The following AK9 variants were observed in gnomAD, a reference collection of about 807,000 sequenced individuals.
AK9 encodes the protein adenylate kinase domain containing 1.
In AK9, 191 loss-of-function variants were observed where a neutral mutation model predicts 239.6. The observed-to-expected ratio is 0.80, with a 90% CI of 0.71 to 0.90. The LOEUF (loss-of-function observed/expected upper bound fraction) is 0.90. Among genes scored for constraint, AK9 ranks in the 40% least tolerant of loss-of-function variants. AK9 has a pLI of 0.00. For missense variants in AK9, 1,995 were observed against 2,214.7 expected (o/e 0.90, Z 1.99); for synonymous variants, 689 against 721.0 (o/e 0.96, Z 0.71).
intron 38 of AK9, among the ~76,000 whole-genome samples, 182 bp from the exon 39 acceptor site, chr6:109,495,622 G>A (rs112664981): frequency 2.2e-4 from 34 of 152,272 alleles, no homozygotes; most frequent in African/African-American, 7.9e-4. Flanking sequence ...TGGGTACCCA[G>A]CCCTACTCAC....
chr6:109,534,302 TTTTA>T (rs1458898970), intron 27 of AK9, among the ~76,000 whole-genome samples: 118 of 150,082 alleles, frequency 7.9e-4, no homozygotes, highest in African/African-American at 2.6e-3. Flanking sequence ...TTTTATTTTA[TTTTA>T]TTTATTTTAA....
intron 17 of AK9, among the ~76,000 whole-genome samples, chr6:109,586,939 C>G (rs1789577893): frequency 6.6e-6 from 1 of 151,776 alleles, no homozygotes. Flanking sequence ...CCAATATTAC[C>G]CTCTTGACAG....
chr6:109,581,858 C>T (rs1788904352), intron 19 of AK9, among the ~76,000 whole-genome samples: 1 of 152,138 alleles, frequency 6.6e-6, no homozygotes, highest in South Asian at 2.1e-4. Context: ...GAAGTCAATG[C>T]CTGGCTTCAA....
chr6:109,524,909 G>T (rs1473056779), intron 29 of AK9, among the ~76,000 whole-genome samples: 1 of 152,152 alleles, frequency 6.6e-6, no homozygotes, highest in Non-Finnish European at 1.5e-5. Context: ...AGCCAAGGAT[G>T]TGTTTGTAAT....
At chr6:109,495,662 A>G (rs1776958379) in intron 38 of AK9, among the ~76,000 whole-genome samples, 1 of 152,090 alleles carries the variant, frequency 6.6e-6, no homozygotes, top group South Asian at 2.1e-4. Flanking sequence ...TTTTCACAGC[A>G]ATTATATAAA....
At chr6:109,612,243 A>G in intron 15 of AK9, 150 bp from the exon 16 acceptor site, 1 of 573,750 alleles carries the variant, frequency 1.7e-6, no homozygotes, top group South Asian at 2.4e-5. Context: ...AAATGGGTAA[A>G]TATATTTAGC....
intron 17 of AK9, among the ~76,000 whole-genome samples, chr6:109,586,383 C>T (rs536937620): frequency 1.3e-5 from 2 of 152,070 alleles, no homozygotes; most frequent in Non-Finnish European, 2.9e-5. Context: ...GCCACTGCAC[C>T]AGTGTCAGAC....
Position 109,691,175 on chromosome 6 carries a change from C to T in AK9, c.-40G>A, listed in dbSNP as rs1402727815. Reference sequence around the variant, plus strand: ...AGATGGTGCCCTTCGCTTCCTCTCTCGGCAGCACGCAGGTCCCGGGAGCCT... The same window carrying T: ...AGATGGTGCCCTTCGCTTCCTCTCTTGGCAGCACGCAGGTCCCGGGAGCCT... On this transcript the variant is annotated 5_prime_UTR_variant, in exon 1 of 41. Transcript: ENST00000424296. The T allele has an allele frequency of 5.2e-6, 3 of 579,472 alleles. No individual in the cohort carries two copies. The highest frequency in any genetic ancestry group is 9.3e-6 in the Non-Finnish European group (3 of 323,644). The allele number at this position is 579,472 out of a possible 1,614,324, so 35.9% of individuals were successfully genotyped here. A position where few individuals can be genotyped will look rare whatever the true frequency, so the allele number is the denominator to read the frequency against.
chr6:109,651,497 C>T (rs1798941947), intron 8 of AK9, among the ~76,000 whole-genome samples: 1 of 152,034 alleles, frequency 6.6e-6, no homozygotes, highest in African/African-American at 2.4e-5. Context: ...CCTAACATCA[C>T]AATGAAAAGA....
rs1022019849 is a variant in AK9, at chr6:109,614,404, G to A, written c.1476C>T (p.His492=). The A allele has an allele frequency of 3.2e-6, 5 of 1,550,986 alleles. No homozygotes were observed. The African/African-American group carries it at 6.9e-5, about 21-fold the overall frequency. Reference sequence around the variant, plus strand: ...CTTTACCTTCTTCATCAATTGATGAGTGTGTTGCCTCCATTGGGAATACTC... The same window carrying A: ...CTTTACCTTCTTCATCAATTGATGAATGTGTTGCCTCCATTGGGAATACTC... ...EFGVFPMEAT[H]SSIDEEGYIQ... The change falls in exon 14 of 41, where the codon CAC becomes CAT. Residue 492 remains histidine, a synonymous_variant. Coordinates refer to ENST00000424296, the MANE Select transcript of AK9 (RefSeq NM_001145128.3).
intron 29 of AK9, among the ~76,000 whole-genome samples, chr6:109,520,639 C>G (rs1779762698): frequency 1.3e-5 from 2 of 152,020 alleles, no homozygotes; most frequent in Admixed American, 1.3e-4. Flanking sequence ...TTTAAAAAAT[C>G]TGTGAAGGAT....
intron 10 of AK9, among the ~76,000 whole-genome samples, chr6:109,634,847 C>T (rs13201430): frequency 0.37 from 56,979 of 151,992 alleles, 11,242 homozygotes; most frequent in East Asian, 0.53. Flanking sequence ...CCCACCCATA[C>T]ATGAAAAAAG....
At chr6:109,665,140 T>G (rs902953976) in intron 5 of AK9, among the ~76,000 whole-genome samples, 4 of 152,222 alleles carry the variant, frequency 2.6e-5, no homozygotes, top group Admixed American at 6.5e-5. Context: ...TTTTGATCAC[T>G]TTACTTTCTG....
intron 12 of AK9, among the ~76,000 whole-genome samples, chr6:109,630,310 A>G (rs1347899905): frequency 6.6e-6 from 1 of 152,186 alleles, no homozygotes; most frequent in Admixed American, 6.5e-5. Context: ...TATGGACCAG[A>G]AGAGTCAATA....
At chr6:109,667,396 T>A (rs902270274) in intron 5 of AK9, among the ~76,000 whole-genome samples, 6 of 152,090 alleles carry the variant, frequency 3.9e-5, no homozygotes, top group Non-Finnish European at 7.4e-5. Context: ...TTTTCTTTTG[T>A]TTTATTTTAT....
chr6:109,604,183 T>C (rs1015156045), intron 17 of AK9, among the ~76,000 whole-genome samples: 2 of 152,168 alleles, frequency 1.3e-5, no homozygotes, highest in Admixed American at 6.5e-5. Flanking sequence ...AGCTGTAGAC[T>C]GGAGCTGTTC....
rs557454782 is a variant in AK9, at chr6:109,555,944, A to T, written c.2752-5642T>A. On this transcript the variant is annotated intron_variant, in intron 24 of 40. Transcript: ENST00000424296. The stretch of plus-strand genomic sequence containing the variant: ...TCTCTTGAAGACAGCATACCAATAG[A>T]TCGTGGTTCTTTATCTAGCTTGCCA... 4.6e-5 allele frequency among the ~76,000 whole-genome samples: 7 copies of T among 152,032 alleles called. No individual in the cohort carries two copies. The South Asian group carries it at 1.5e-3, about 32-fold the overall frequency.
chr6:109,573,020 AGAT>A (rs939653886), intron 21 of AK9, among the ~76,000 whole-genome samples: 1 of 152,204 alleles, frequency 6.6e-6, no homozygotes, highest in African/African-American at 2.4e-5. Flanking sequence ...CACACCATAA[AGAT>A]GAACTGTAAA....
intron 27 of AK9, 67 bp from the exon 28 acceptor site, chr6:109,533,537 G>C (rs1781553657): frequency 2.4e-6 from 3 of 1,276,228 alleles, no homozygotes; most frequent in Non-Finnish European, 3.2e-6. Context: ...TCATTAATTT[G>C]ACTGTAATGA....
Sources: gnomAD v4.1 joint callset for allele counts (sites outside exome capture counted in the v4.1 genomes callset) on GRCh38, gnomAD v4.1.1 for gene constraint, MANE v1.5 for transcripts, NCBI Gene and HGNC (gene_info 2026-07-23, HGNC 2026-07-21) for gene names.